Variants in DOCK3 observed in about 807,000 individuals in gnomAD.
The protein encoded by DOCK3 is dedicator of cytokinesis 3.
Under a neutral mutation model 265.6 loss-of-function variants are expected in DOCK3, and 60 were observed. The ratio of observed to expected loss-of-function variants is 0.23; its 90% confidence interval spans 0.18 to 0.28. DOCK3 has a LOEUF of 0.28. Among genes scored for constraint, DOCK3 ranks in the 10% least tolerant of loss-of-function variants. DOCK3 has a pLI of 1.00. For missense variants in DOCK3, 1,981 were observed against 2,594.3 expected, an observed-to-expected ratio of 0.76 and a Z score of 5.14; for synonymous variants, 881 against 938.0, an observed-to-expected ratio of 0.94 and a Z score of 1.11.
At chr3:50,868,534 C>T (rs752552988) in intron 3 of DOCK3, among the ~76,000 whole-genome samples, 23 of 151,862 alleles carry the variant, frequency 1.5e-4, no homozygotes, top group Admixed American at 3.3e-4. Flanking sequence ...CCATCACACC[C>T]GGCTAATTTT....
intron 4 of DOCK3, among the ~76,000 whole-genome samples, chr3:50,911,627 T>C (rs2049857311): frequency 6.6e-6 from 1 of 152,046 alleles, no homozygotes; most frequent in Non-Finnish European, 1.5e-5. Context: ...AGGATTGCCT[T>C]AGCTACTTGG....
intron 7 of DOCK3, among the ~76,000 whole-genome samples, chr3:51,078,868 T>A (rs1434443693): frequency 6.6e-6 from 1 of 152,192 alleles, no homozygotes. Context: ...AAAGGGATTC[T>A]GACACAATGA....
At chr3:51,297,016 G>A (rs564630806) in intron 27 of DOCK3, among the ~76,000 whole-genome samples, 1 of 149,450 alleles carries the variant, frequency 6.7e-6, no homozygotes, top group Non-Finnish European at 1.5e-5. Context: ...TACTCAGGAG[G>A]CTGAGGCATG....
At chr3:51,227,834 C>T (rs1035838924) in intron 16 of DOCK3, 148 bp from the exon 17 acceptor site, 3 of 789,306 alleles carry the variant, frequency 3.8e-6, no homozygotes, top group South Asian at 3.5e-5. Context: ...CATTTCAGCA[C>T]ATTTCTCATC....
At chr3:51,143,589 G>A (rs1033287127) in intron 9 of DOCK3, among the ~76,000 whole-genome samples, 4 of 151,996 alleles carry the variant, frequency 2.6e-5, no homozygotes, top group Non-Finnish European at 5.9e-5. Flanking sequence ...TTTTTAATTT[G>A]CATTTCTCTA....
At chr3:51,076,824 A>C (rs1423645951) in intron 7 of DOCK3, among the ~76,000 whole-genome samples, 1 of 152,192 alleles carries the variant, frequency 6.6e-6, no homozygotes, top group East Asian at 1.9e-4. Flanking sequence ...CCAAAAAGGC[A>C]CACAGCATAT....
intron 27 of DOCK3, among the ~76,000 whole-genome samples, chr3:51,282,735 G>T (rs1185273598): frequency 6.6e-6 from 1 of 151,174 alleles, no homozygotes; most frequent in African/African-American, 2.4e-5. Context: ...TGCCTTAATT[G>T]GTGAATTCTA....
At chr3:51,198,476 G>C (rs1426567412) in intron 12 of DOCK3, among the ~76,000 whole-genome samples, 1 of 151,620 alleles carries the variant, frequency 6.6e-6, no homozygotes, top group Admixed American at 6.6e-5. Flanking sequence ...AAGAGTGACA[G>C]AGACTGCAAC....
At chr3:51,290,393 G>T (rs1401097937) in intron 27 of DOCK3, among the ~76,000 whole-genome samples, 1 of 152,138 alleles carries the variant, frequency 6.6e-6, no homozygotes, top group Non-Finnish European at 1.5e-5. Flanking sequence ...TAGGGACATG[G>T]ATGAAGCTGG....
Position 51,374,807 on chromosome 3 carries a change from A to C in DOCK3, c.5412+220A>C, listed in dbSNP as rs1451074315. Among the ~76,000 whole-genome samples, 1 of 152,118 alleles carries C rather than the reference A, an allele frequency of 6.6e-6. No homozygotes were observed. The highest frequency in any genetic ancestry group is 2.4e-5 in the African/African-American group (1 of 41,414). The stretch of plus-strand genomic sequence containing the variant: ...CGTGAGTAGAATGGTGGCAGGAACC[A>C]CCATTGGAACCAGCATTGCTCATGT... On this transcript the variant is annotated intron_variant, in intron 50 of 52. Coordinates refer to ENST00000266037, the MANE Select transcript of DOCK3 (RefSeq NM_004947.5). The surrounding 1 kb of genome is among the most constrained non-coding windows in gnomAD (Gnocchi z 4.8).
intron 12 of DOCK3, among the ~76,000 whole-genome samples, chr3:51,180,827 G>A (rs1429211714): frequency 2.0e-5 from 3 of 152,176 alleles, no homozygotes; most frequent in Non-Finnish European, 4.4e-5. Context: ...GTGTCAATGT[G>A]GAGCCTTGTG....
intron 2 of DOCK3, among the ~76,000 whole-genome samples, chr3:50,795,664 A>G (rs1228091282): frequency 6.6e-6 from 1 of 152,126 alleles, no homozygotes; most frequent in East Asian, 1.9e-4. Context: ...ACATAAGCCC[A>G]TATTTCTTGG....
At chr3:50,678,230 T>C (rs2034132072) in intron 1 of DOCK3, among the ~76,000 whole-genome samples, 1 of 152,220 alleles carries the variant, frequency 6.6e-6, no homozygotes, top group Admixed American at 6.5e-5. Flanking sequence ...TGACTTCTTA[T>C]GTCCCTTTCC....
intron 1 of DOCK3, among the ~76,000 whole-genome samples, chr3:50,760,687 G>A (rs2040470739): frequency 6.6e-6 from 1 of 152,088 alleles, no homozygotes; most frequent in Non-Finnish European, 1.5e-5. Flanking sequence ...TTATCAGAAT[G>A]TAACCACGTT....
intron 5 of DOCK3, among the ~76,000 whole-genome samples, chr3:51,037,258 T>C (rs74437330): frequency 0.057 from 8,691 of 152,216 alleles, 880 homozygotes; most frequent in African/African-American, 0.2. Flanking sequence ...AGAAGTCTCC[T>C]GTGTTCCCCT....
chr3:51,374,712 A>G lies in DOCK3; in HGVS notation c.5412+125A>G, dbSNP rs2087958230. 2.2e-6 allele frequency: 2 copies of G among 927,796 alleles called. No homozygotes were observed. Among genetic ancestry groups the G allele is most frequent in the Non-Finnish European group, 1.6e-6 (1 of 606,918 alleles). 57.5% of individuals were successfully genotyped at this position (927,796 alleles called of 1,614,324 possible). A position where few individuals can be genotyped will look rare whatever the true frequency, so the allele number is the denominator to read the frequency against. The stretch of plus-strand genomic sequence containing the variant: ...CTCTCATTCCGCTGTAAGATCCCGC[A>G]AAAGGCCGCTGGGCTTCTGGATGTG... On this transcript the variant is annotated intron_variant, in intron 50 of 52. Transcript: ENST00000266037. The surrounding 1 kb of genome is among the most constrained non-coding windows in gnomAD (Gnocchi z 4.8).
chr3:51,179,639 C>T (rs1011764460), intron 12 of DOCK3, among the ~76,000 whole-genome samples: 2 of 152,104 alleles, frequency 1.3e-5, no homozygotes, highest in African/African-American at 4.8e-5. Context: ...ATAAAAGTGC[C>T]ACCTTTGCCT....
At chr3:50,907,005 T>C (rs953120068) in intron 4 of DOCK3, among the ~76,000 whole-genome samples, 5 of 152,084 alleles carry the variant, frequency 3.3e-5, no homozygotes, top group African/African-American at 7.2e-5. Flanking sequence ...GCCTTCATTT[T>C]GTTATGTACC....
chr3:51,369,630 C>T (rs190365470), intron 49 of DOCK3, among the ~76,000 whole-genome samples: 46 of 151,636 alleles, frequency 3.0e-4, no homozygotes, highest in African/African-American at 9.9e-4. Context: ...AGCACACAAA[C>T]CCATGAAGCC....
Sources: allele counts gnomAD v4.1 joint callset (sites outside exome capture counted in the v4.1 genomes callset), GRCh38; gene constraint gnomAD v4.1.1; non-coding constraint Gnocchi (gnomAD v3.1); transcripts MANE v1.5; gene names NCBI Gene and HGNC (gene_info 2026-07-23, HGNC 2026-07-21).